The following LBP variants were observed in gnomAD, a reference collection of about 807,000 sequenced individuals.
The protein encoded by LBP is lipopolysaccharide binding protein, also known as lipopolysaccharide-binding protein.
Under a neutral mutation model 56.6 loss-of-function variants are expected in LBP, and 53 were observed. The observed-to-expected ratio is 0.94, with a 90% CI of 0.75 to 1.18. LBP has a LOEUF of 1.18. LBP is among the 50% of genes most tolerant of loss of function. LBP has a pLI of 0.00. For synonymous variants in LBP, 227 were observed against 247.5 expected (o/e 0.92, Z 0.78); for missense variants, 601 against 598.3 (o/e 1.00, Z -0.05).
chr20:38,347,933 T>C (rs2076806630), intron 1 of LBP, among the ~76,000 whole-genome samples: 1 of 152,178 alleles, frequency 6.6e-6, no homozygotes, highest in South Asian at 2.1e-4. Context: ...GATAGGGTTG[T>C]TGGGAGCCCA....
intron 8 of LBP, among the ~76,000 whole-genome samples, chr20:38,366,495 A>AT (rs2076882406): frequency 1.3e-5 from 2 of 152,178 alleles, no homozygotes. Context: ...CAAAGTCAGG[A>AT]CACAAACCGA....
chr20:38,365,696 CAAAAA>C lies in LBP; in HGVS notation c.921+962_921+966del, dbSNP rs1170058556. ...TGGGCAACAGAGTGAGACTGCATCT[CAAAAA>C]AAAAAAAAAAAAAAAAATATATATA... On this transcript the variant is annotated intron_variant, in intron 8 of 14. Coordinates refer to ENST00000217407, the MANE Select transcript of LBP (RefSeq NM_004139.5). Among the ~76,000 whole-genome samples, 892 of 103,468 alleles carry C rather than the reference CAAAAA, an allele frequency of 8.6e-3. 19 individuals carry two copies. Among genetic ancestry groups the C allele is most frequent in the East Asian group, 0.086 (226 of 2,642 alleles). 67.9% of individuals were successfully genotyped at this position (103,468 alleles called of 152,430 possible). A position where few individuals can be genotyped will look rare whatever the true frequency, so the allele number is the denominator to read the frequency against.
chr20:38,362,863 G>A (rs922539082), intron 6 of LBP, among the ~76,000 whole-genome samples: 4 of 151,548 alleles, frequency 2.6e-5, no homozygotes, highest in South Asian at 2.1e-4. Flanking sequence ...TGGGAGGATC[G>A]CTTGAGCCCA....
intron 7 of LBP, 76 bp from the exon 8 acceptor site, chr20:38,364,500 C>CGGG: frequency 7.2e-7 from 1 of 1,381,260 alleles, no homozygotes. Context: ...CTTCATCGGA[C>CGGG]TGTGTAGGGG....
chr20:38,351,006 C>A, intron 3 of LBP, 67 bp downstream of exon 3: 1 of 1,570,640 alleles, frequency 6.4e-7, no homozygotes, highest in Non-Finnish European at 8.7e-7. Context: ...CTTCTTAGGT[C>A]CAAGGTGTTC....
In LBP at chr20:38,377,009, G is replaced by A; in HGVS notation, c.*340G>A. The A allele has an allele frequency of 2.1e-6, 1 of 475,736 alleles. No individual in the cohort carries two copies. The highest frequency in any genetic ancestry group is 4.2e-6 in the Non-Finnish European group (1 of 240,644). 29.5% of individuals were successfully genotyped at this position (475,736 alleles called of 1,614,324 possible). ...GGTCCTCAATAAATATTTATTAAAT[G>A]ATGAGATGATGGAATCACCTGGTAT... is the stretch of plus-strand genomic sequence containing the variant. On this transcript the variant is annotated 3_prime_UTR_variant, in exon 15 of 15. Coordinates refer to ENST00000217407, the MANE Select transcript of LBP (RefSeq NM_004139.5).
chr20:38,357,359 AC>A (rs1300339808), intron 5 of LBP, among the ~76,000 whole-genome samples: 1 of 152,070 alleles, frequency 6.6e-6, no homozygotes, highest in Non-Finnish European at 1.5e-5. Context: ...ATCTCACCTG[AC>A]CCCTGATCCT....
chr20:38,361,636 C>T (rs938144829), intron 6 of LBP, among the ~76,000 whole-genome samples: 2 of 152,034 alleles, frequency 1.3e-5, no homozygotes, highest in African/African-American at 2.4e-5. Flanking sequence ...AACTCCTGGG[C>T]TCAAGTGATC....
intron 5 of LBP, among the ~76,000 whole-genome samples, chr20:38,356,418 G>GCA (rs2076840483): frequency 2.0e-5 from 1 of 48,984 alleles, no homozygotes; most frequent in African/African-American, 1.2e-4. Flanking sequence ...CCACACACAC[G>GCA]CGCACACACA....
intron 6 of LBP, among the ~76,000 whole-genome samples, chr20:38,363,558 G>A (rs924317579): frequency 9.9e-5 from 15 of 152,144 alleles, no homozygotes; most frequent in Non-Finnish European, 2.1e-4. Flanking sequence ...GGTCCAGGTC[G>A]GCAACCCGGT....
chr20:38,376,266 T>A (rs1224242560), intron 14 of LBP, among the ~76,000 whole-genome samples: 1 of 152,196 alleles, frequency 6.6e-6, no homozygotes, highest in Non-Finnish European at 1.5e-5. Context: ...CGGTTCAGAA[T>A]TCCTGCCCCT....
At chr20:38,374,042 T>G in intron 14 of LBP, 29 bp downstream of exon 14, 1 of 1,604,830 alleles carries the variant, frequency 6.2e-7, no homozygotes, top group Non-Finnish European at 8.5e-7. Context: ...GCTCTGAGGA[T>G]GTGTGAGGGA....
At position 38,346,497 on chromosome 20, in the gene LBP, C is replaced by T. The variant is rs777547124; in HGVS notation, c.-20C>T. The T allele has an allele frequency of 4.3e-6, 7 of 1,613,000 alleles. No homozygotes were observed. In the Admixed American group the frequency reaches 1.2e-4, roughly 27 times the overall value. ...ATCCACAGCTGGGACAGTCCTGGCC[C>T]ACTGCACTGGGAATCTAGGATGGGG... On this transcript the variant is annotated 5_prime_UTR_variant, in exon 1 of 15. Transcript: ENST00000217407.
intron 6 of LBP, 135 bp from the exon 7 acceptor site, chr20:38,363,840 T>G (rs2076870480): frequency 1.5e-6 from 1 of 648,112 alleles, no homozygotes; most frequent in Admixed American, 2.5e-5. Context: ...GAAGCAATTC[T>G]TTGCCTCAGG....
At chr20:38,372,132 C>T (rs944704809) in intron 12 of LBP, among the ~76,000 whole-genome samples, 3 of 152,154 alleles carry the variant, frequency 2.0e-5, no homozygotes, top group East Asian at 3.8e-4. Context: ...GGAAAGAGAA[C>T]GTGAAAATCA....
intron 5 of LBP, among the ~76,000 whole-genome samples, chr20:38,359,573 CTG>C (rs1182368159): frequency 2.0e-5 from 3 of 150,548 alleles, no homozygotes; most frequent in African/African-American, 7.5e-5. Flanking sequence ...CAGAGCAAGA[CTG>C]TGTCTCAAAA....
chr20:38,372,217 C>T (rs1348654782), intron 12 of LBP, among the ~76,000 whole-genome samples: 1 of 152,130 alleles, frequency 6.6e-6, no homozygotes, highest in East Asian at 1.9e-4. Flanking sequence ...AATGTGTAGT[C>T]GTTGGCTTCT....
intron 3 of LBP, among the ~76,000 whole-genome samples, 161 bp from the exon 4 acceptor site, chr20:38,354,108 CCTGGAAATACTGGAT>C (rs1386765784): frequency 6.6e-6 from 1 of 152,144 alleles, no homozygotes; most frequent in African/African-American, 2.4e-5. Context: ...TCCAGCCCTG[CCTGGAAATACTGGAT>C]CTGGGCTTTC....
rs2232596 is a variant in LBP at position 38,360,727 on chromosome 20, A to G, written c.612A>G (p.Ser204=). 0.46 allele frequency: 745,023 copies of G among 1,611,950 alleles called. 177,042 individuals are homozygous for G. Among genetic ancestry groups the G allele is most frequent in the Non-Finnish European group, 0.49 (571,626 of 1,178,408 alleles). ...ESRICEMIQK[S]VSSDLQPYLQ... is the part of the protein sequence containing the mutation. ...AGATTTGCGAAATGATCCAGAAATC[A>G]GTGTCCTCCGATCTACAGCCTTATC... The change falls in exon 6 of 15, where the codon TCA becomes TCG. Residue 204 remains serine, a synonymous_variant. Transcript: ENST00000217407.
Sources: allele counts gnomAD v4.1 joint callset (sites outside exome capture counted in the v4.1 genomes callset), GRCh38; gene constraint gnomAD v4.1.1; transcripts MANE v1.5; gene names NCBI Gene and HGNC (gene_info 2026-07-23, HGNC 2026-07-21).